Variants in CYP4F2 observed in about 807,000 individuals in gnomAD.
CYP4F2 encodes the protein cytochrome P450 4F2.
In CYP4F2, 58 loss-of-function variants were observed where a neutral mutation model predicts 58.9. That is an observed-to-expected ratio of 0.98 (90% CI 0.80 to 1.23). CYP4F2 has a LOEUF of 1.23. CYP4F2 is among the 50% of genes most tolerant of loss of function. CYP4F2 has a pLI of 0.00. For synonymous variants in CYP4F2, 287 were observed against 261.1 expected, an observed-to-expected ratio of 1.10 and a Z score of -0.95; for missense variants, 616 against 685.6, an observed-to-expected ratio of 0.90 and a Z score of 1.13.
chr19:15,894,467 G>C (rs3093121), intron 3 of CYP4F2, among the ~76,000 whole-genome samples: 20 of 152,056 alleles, frequency 1.3e-4, no homozygotes, highest in South Asian at 6.2e-4. Context: ...TGAGGAAAAG[G>C]CCACCTTGAT....
In CYP4F2 at chr19:15,878,954, G is replaced by T. The variant is rs773450268; in HGVS notation, c.1398-18C>A. 4 of 1,610,230 alleles carry T rather than the reference G, an allele frequency of 2.5e-6. No individual in the cohort carries two copies. Among genetic ancestry groups the T allele is most frequent in the Admixed American group, 1.7e-5 (1 of 59,892 alleles). The stretch of plus-strand genomic sequence containing the variant: ...TGCAGTTCCTAGGGGAGGGAGGTGG[G>T]AACTCTGACTGCACCCAGGAGCCCC... On this transcript the variant is annotated intron_variant, in intron 12 of 12. Coordinates refer to ENST00000221700, the MANE Select transcript of CYP4F2 (RefSeq NM_001082.5).
At position 15,890,327 on chromosome 19, in the gene CYP4F2, T is replaced by C; in HGVS notation, c.632A>G (p.Asp211Gly). The change falls in exon 6 of 13, where the codon GAC becomes GGC. Residue 211 changes from aspartate to glycine, a missense_variant. By Grantham distance (94) the Asp-to-Gly change is moderately conservative. Transcript: ENST00000221700. ...AAGAACTTACTCCTGACAATGGCTGTCAAAGCTGAAGACACATTTCTGTAG... is the reference window on the plus strand; with the variant it reads ...AAGAACTTACTCCTGACAATGGCTGCCAAAGCTGAAGACACATTTCTGTAG... ...DSLQKCVFSF[D>G]SHCQEKPSEY... 1 of 1,614,080 alleles carries C rather than the reference T, an allele frequency of 6.2e-7. No homozygotes were observed. Among genetic ancestry groups the C allele is most frequent in the Middle Eastern group, 1.7e-4 (1 of 6,058 alleles).
At chr19:15,879,221 C>T (rs927217464) in intron 12 of CYP4F2, 125 bp downstream of exon 12, 7 of 1,398,986 alleles carry the variant, frequency 5.0e-6, no homozygotes, top group Non-Finnish European at 6.9e-6. Context: ...CTATAAACTC[C>T]AGAGGAGGTG....
rs539029441 is a variant in CYP4F2, at chr19:15,892,439, A to C, written c.398-3T>G. On this transcript the variant is annotated splice_polypyrimidine_tract_variant and splice_region_variant and intron_variant, in intron 4 of 12. Transcript: ENST00000221700. Reference sequence around the variant, plus strand: ...AGCACTCAGCAGGAGCCCATCCCCTAGCAGGGCAGCCAAGGGCCATGGGCA... The same window carrying C: ...AGCACTCAGCAGGAGCCCATCCCCTCGCAGGGCAGCCAAGGGCCATGGGCA... The C allele has an allele frequency of 6.2e-7, 1 of 1,614,052 alleles. No individual in the cohort carries two copies. Among genetic ancestry groups the C allele is most frequent in the Non-Finnish European group, 8.5e-7 (1 of 1,180,024 alleles).
At chr19:15,881,532 GTAGA>G (rs1256425546) in intron 9 of CYP4F2, among the ~76,000 whole-genome samples, 1 of 151,588 alleles carries the variant, frequency 6.6e-6, no homozygotes, top group Non-Finnish European at 1.5e-5. Flanking sequence ...TATATAGATA[GTAGA>G]TAGGTATATA....
intron 2 of CYP4F2, among the ~76,000 whole-genome samples, chr19:15,896,406 A>T (rs2089448978): frequency 6.6e-6 from 1 of 152,140 alleles, no homozygotes; most frequent in Non-Finnish European, 1.5e-5. Flanking sequence ...ACAGAGGCCC[A>T]GTTATCTTGA....
chr19:15,895,476 C>T, intron 3 of CYP4F2, 30 bp downstream of exon 3: 1 of 1,472,852 alleles, frequency 6.8e-7, no homozygotes, highest in Non-Finnish European at 8.9e-7. Flanking sequence ...GCCTCAAATG[C>T]ACTGCCCCAC....
chr19:15,882,450 A>T (rs2089351712), intron 9 of CYP4F2, among the ~76,000 whole-genome samples: 1 of 152,156 alleles, frequency 6.6e-6, no homozygotes, highest in Non-Finnish European at 1.5e-5. Context: ...AATTGCTAAG[A>T]GAGTAAATTT....
At chr19:15,893,569 C>A (rs566113624) in intron 3 of CYP4F2, among the ~76,000 whole-genome samples, 5 of 152,340 alleles carry the variant, frequency 3.3e-5, no homozygotes, top group South Asian at 4.1e-4. Flanking sequence ...AGACACGCCC[C>A]AGACATGAGC....
At chr19:15,881,561 T>TGGATA (rs1176308216) in intron 9 of CYP4F2, among the ~76,000 whole-genome samples, 5 of 126,124 alleles carry the variant, frequency 4.0e-5, no homozygotes, top group African/African-American at 1.2e-4. Flanking sequence ...CATAGATAGA[T>TGGATA]GATGGATAGA....
chr19:15,896,247 T>G (rs2089447795), intron 2 of CYP4F2, among the ~76,000 whole-genome samples: 1 of 151,898 alleles, frequency 6.6e-6, no homozygotes, highest in Non-Finnish European at 1.5e-5. Context: ...TCTATCTATC[T>G]ATCTATCTAT....
At chr19:15,894,935 T>C (rs1484692533) in intron 3 of CYP4F2, among the ~76,000 whole-genome samples, 1 of 152,116 alleles carries the variant, frequency 6.6e-6, no homozygotes, top group Non-Finnish European at 1.5e-5. Flanking sequence ...ATCATGGAAG[T>C]AGCAGCCCAG....
In CYP4F2 at chr19:15,893,222, C is replaced by A. The variant is rs781258203; in HGVS notation, c.344-640G>T. On this transcript the variant is annotated intron_variant, in intron 3 of 12. Coordinates refer to ENST00000221700, the MANE Select transcript of CYP4F2 (RefSeq NM_001082.5). ...CAGGCATGACCCAAATATACTATAACACATGCCTCAGACAAGACTCAAATA... is the reference window on the plus strand; with the variant it reads ...CAGGCATGACCCAAATATACTATAAAACATGCCTCAGACAAGACTCAAATA... Among the ~76,000 whole-genome samples the A allele has an allele frequency of 2.0e-5, 3 of 152,142 alleles. No individual in the cohort carries two copies. In the South Asian group the frequency reaches 6.2e-4, roughly 32 times the overall value.
chr19:15,882,773 G>C (rs530689626), intron 9 of CYP4F2, among the ~76,000 whole-genome samples: 23 of 152,246 alleles, frequency 1.5e-4, no homozygotes, highest in African/African-American at 5.5e-4. Context: ...AAGAAAAATA[G>C]ATCTCAGAGA....
At chr19:15,886,374 C>T in intron 7 of CYP4F2, 66 bp from the exon 8 acceptor site, 1 of 1,342,580 alleles carries the variant, frequency 7.4e-7, no homozygotes, top group African/African-American at 1.6e-5. Context: ...GCTCTAAGGG[C>T]TCTTGAGTCT....
At chr19:15,883,856 C>T (rs1259674170) in intron 9 of CYP4F2, among the ~76,000 whole-genome samples, 3 of 152,030 alleles carry the variant, frequency 2.0e-5, no homozygotes, top group African/African-American at 4.8e-5. Context: ...GTCAGGAGTT[C>T]GAGACCAGCC....
intron 2 of CYP4F2, 86 bp downstream of exon 2, chr19:15,897,328 C>T: frequency 8.7e-7 from 1 of 1,149,762 alleles, no homozygotes; most frequent in Non-Finnish European, 1.2e-6. Context: ...TCCCAGCCCA[C>T]CCCTTCACCC....
chr19:15,890,258 C>T (rs1182225463), intron 6 of CYP4F2, 54 bp downstream of exon 6: 1 of 1,612,806 alleles, frequency 6.2e-7, no homozygotes, highest in South Asian at 1.1e-5. Context: ...CCCTCTCCCA[C>T]CTACCCACTT....
intron 1 of CYP4F2, 95 bp from the exon 2 acceptor site, chr19:15,897,707 C>T (rs2089457082): frequency 6.2e-6 from 9 of 1,461,256 alleles, no homozygotes; most frequent in Middle Eastern, 2.4e-4. Flanking sequence ...CGGGCAGTGC[C>T]GGAGGTAGAG....
Sources: gnomAD v4.1 joint callset for allele counts (sites outside exome capture counted in the v4.1 genomes callset) on GRCh38, gnomAD v4.1.1 for gene constraint, MANE v1.5 for transcripts, NCBI Gene and HGNC (gene_info 2026-07-23, HGNC 2026-07-21) for gene names.